RNF24: variants seen among roughly 807,000 people sequenced by gnomAD.
RNF24 encodes ring finger protein 24.
RNF24 carries 14 observed loss-of-function variants against 20.0 expected under a neutral mutation model. That is an observed-to-expected ratio of 0.70 (90% CI 0.46 to 1.10). RNF24 has a LOEUF of 1.10. RNF24 is among the 50% of genes least tolerant of loss of function. RNF24 has a pLI of 0.00. For missense variants in RNF24, 124 were observed against 177.6 expected, an observed-to-expected ratio of 0.70 and a Z score of 1.71; for synonymous variants, 45 against 61.1, an observed-to-expected ratio of 0.74 and a Z score of 1.23.
intron 1 of RNF24, among the ~76,000 whole-genome samples, chr20:3,995,243 C>T (rs1025150513): frequency 3.3e-5 from 5 of 152,150 alleles, no homozygotes; most frequent in Non-Finnish European, 5.9e-5. Flanking sequence ...TCATTCCCAT[C>T]AGGTCTCTTT....
chr20:3,984,853 A>G (rs1979746714), intron 1 of RNF24, among the ~76,000 whole-genome samples: 1 of 152,060 alleles, frequency 6.6e-6, no homozygotes, highest in Non-Finnish European at 1.5e-5. Flanking sequence ...TCCAGTTTTA[A>G]GAAACTGACA....
At position 3,933,855 on chromosome 20, in the gene RNF24, T is replaced by C; in HGVS notation, c.*208A>G. 1 of 396,134 alleles carries C rather than the reference T, an allele frequency of 2.5e-6. No individual in the cohort carries two copies. 24.5% of individuals were successfully genotyped at this position (396,134 alleles called of 1,614,324 possible). A position where few individuals can be genotyped will look rare whatever the true frequency, so the allele number is the denominator to read the frequency against. Reference sequence around the variant, plus strand: ...CCCGCAGGCTCATCCACTCCTCTTCTCTCGGCAGGGGGTAGTGTCAAAGTG... The same window carrying C: ...CCCGCAGGCTCATCCACTCCTCTTCCCTCGGCAGGGGGTAGTGTCAAAGTG... On this transcript the variant is annotated 3_prime_UTR_variant, in exon 6 of 6. Transcript: ENST00000358395.
At chr20:3,944,646 A>G (rs2090996060) in intron 4 of RNF24, among the ~76,000 whole-genome samples, 7 of 152,376 alleles carry the variant, frequency 4.6e-5, no homozygotes. Context: ...ATACAGCAGG[A>G]TATACACACC....
chr20:3,948,173 T>C (rs2146961764), intron 3 of RNF24, 64 bp downstream of exon 3: 1 of 1,190,048 alleles, frequency 8.4e-7, no homozygotes, highest in East Asian at 2.4e-5. Context: ...TGAGTGGAAA[T>C]CAGAGTTCTC....
rs1216544155 is a variant in RNF24, at chr20:3,930,032, A to G, written c.*4031T>C. 1 of 152,218 alleles carries G rather than the reference A, an allele frequency of 6.6e-6. No individual in the cohort carries two copies. Among genetic ancestry groups the G allele is most frequent in the Non-Finnish European group, 1.5e-5 (1 of 68,044 alleles). The allele number at this position is 152,218 out of a possible 1,614,324, so 9.4% of individuals were successfully genotyped here. A position where few individuals can be genotyped will look rare whatever the true frequency, so the allele number is the denominator to read the frequency against. On this transcript the variant is annotated 3_prime_UTR_variant, in exon 6 of 6. Coordinates refer to ENST00000358395, the MANE Select transcript of RNF24 (RefSeq NM_001134337.3). ...ATGAGTAGAAAAGGAGAAAAATTATATAGACACACATACACATGTGTGTAC... is the reference window on the plus strand; with the variant it reads ...ATGAGTAGAAAAGGAGAAAAATTATGTAGACACACATACACATGTGTGTAC...
At chr20:3,972,275 C>A (rs929399385) in intron 1 of RNF24, among the ~76,000 whole-genome samples, 1 of 152,068 alleles carries the variant, frequency 6.6e-6, no homozygotes, top group African/African-American at 2.4e-5. Flanking sequence ...AAGAAAAATT[C>A]AACAACACAA....
chr20:3,975,719 CTTTA>C (rs1460546153), intron 1 of RNF24, among the ~76,000 whole-genome samples: 2 of 151,936 alleles, frequency 1.3e-5, no homozygotes, highest in African/African-American at 4.8e-5. Flanking sequence ...TGACTGGTGT[CTTTA>C]TAAGAGGAAA....
In RNF24 at chr20:3,932,554, A is replaced by C. The variant is rs902674124; in HGVS notation, c.*1509T>G. 1.1e-5 allele frequency: 2 copies of C among 184,922 alleles called. No individual in the cohort carries two copies. The highest frequency in any genetic ancestry group is 2.2e-5 in the Non-Finnish European group (2 of 90,424). 11.5% of individuals were successfully genotyped at this position (184,922 alleles called of 1,614,324 possible). On this transcript the variant is annotated 3_prime_UTR_variant, in exon 6 of 6. Coordinates refer to ENST00000358395, the MANE Select transcript of RNF24 (RefSeq NM_001134337.3). ...CAGGTTCCTTCTCCTAAGAGGACAG[A>C]GGTTGGATTCCAGAAAAAAATCCTG...
At chr20:3,969,337 A>G (rs536577888) in intron 1 of RNF24, among the ~76,000 whole-genome samples, 5 of 152,208 alleles carry the variant, frequency 3.3e-5, no homozygotes, top group Admixed American at 1.3e-4. Flanking sequence ...CCAGCTAAAT[A>G]TAACTAAAAA....
chr20:3,955,475 T>G (rs903585414), intron 2 of RNF24, among the ~76,000 whole-genome samples: 1 of 152,272 alleles, frequency 6.6e-6, no homozygotes, highest in Non-Finnish European at 1.5e-5. Context: ...CTCTCAATTC[T>G]ATTTTATTGG....
intron 2 of RNF24, among the ~76,000 whole-genome samples, chr20:3,952,623 G>T (rs1600646741): frequency 1.4e-5 from 2 of 140,086 alleles, no homozygotes; most frequent in South Asian, 2.2e-4. Flanking sequence ...CCTCCAGTAT[G>T]ATGCTAAATA....
At chr20:3,985,089 T>C (rs1477728559) in intron 1 of RNF24, among the ~76,000 whole-genome samples, 3 of 152,224 alleles carry the variant, frequency 2.0e-5, no homozygotes, top group African/African-American at 7.2e-5. Context: ...GGAATTGCCA[T>C]AATCAATTTG....
intron 1 of RNF24, among the ~76,000 whole-genome samples, chr20:3,983,743 C>A (rs1281787755): frequency 1.3e-5 from 2 of 151,830 alleles, no homozygotes; most frequent in Non-Finnish European, 2.9e-5. Context: ...ATGTTTGAGA[C>A]CAGCCTAGCC....
At chr20:3,984,197 T>A (rs1362217605) in intron 1 of RNF24, among the ~76,000 whole-genome samples, 1 of 151,298 alleles carries the variant, frequency 6.6e-6, no homozygotes, top group Non-Finnish European at 1.5e-5. Flanking sequence ...ATCATACCAC[T>A]GCACTCCAGT....
intron 1 of RNF24, among the ~76,000 whole-genome samples, chr20:3,989,755 GC>G (rs1312898375): frequency 1.3e-5 from 2 of 152,206 alleles, no homozygotes; most frequent in East Asian, 3.9e-4. Context: ...GAGTCTCCAG[GC>G]CCCTCTTTCC....
rs1451438650 is a variant in RNF24, at chr20:3,934,342, T to G, written c.309-141A>C. 7 of 747,914 alleles carry G rather than the reference T, an allele frequency of 9.4e-6. No homozygotes were observed. The highest frequency in any genetic ancestry group is 1.4e-5 in the Non-Finnish European group (7 of 494,074). The allele number at this position is 747,914 out of a possible 1,614,324, so 46.3% of individuals were successfully genotyped here. On this transcript the variant is annotated intron_variant, in intron 5 of 5. Coordinates refer to ENST00000358395, the MANE Select transcript of RNF24 (RefSeq NM_001134337.3). The surrounding 1 kb of genome is among the most constrained non-coding windows in gnomAD (Gnocchi z 4.0). Reference sequence around the variant, plus strand: ...GCTCCCCTCCTAGGTGGTGAACGGATGTCACCCCCTGGAGAGAGGGAAGAG... The same window carrying G: ...GCTCCCCTCCTAGGTGGTGAACGGAGGTCACCCCCTGGAGAGAGGGAAGAG...
intron 1 of RNF24, among the ~76,000 whole-genome samples, chr20:4,012,506 G>A (rs1982544582): frequency 6.6e-6 from 1 of 151,896 alleles, no homozygotes; most frequent in Non-Finnish European, 1.5e-5. Flanking sequence ...TTTTTATTAT[G>A]AGACATTACT....
chr20:3,981,000 G>A (rs1197241187), intron 1 of RNF24, among the ~76,000 whole-genome samples: 1 of 151,772 alleles, frequency 6.6e-6, no homozygotes, highest in Non-Finnish European at 1.5e-5. Context: ...GGCCCTGAAT[G>A]CTTATGGGTT....
chr20:3,965,759 C>G (rs2091250713), intron 1 of RNF24, among the ~76,000 whole-genome samples: 1 of 152,126 alleles, frequency 6.6e-6, no homozygotes, highest in African/African-American at 2.4e-5. Flanking sequence ...ATAGCCAAGA[C>G]TTAGATGGCT....
Sources: allele counts gnomAD v4.1 joint callset (sites outside exome capture counted in the v4.1 genomes callset), GRCh38; gene constraint gnomAD v4.1.1; non-coding constraint Gnocchi (gnomAD v3.1); transcripts MANE v1.5; gene names NCBI Gene and HGNC (gene_info 2026-07-23, HGNC 2026-07-21).